Variants in RFX4 observed in about 807,000 individuals in gnomAD.
RFX4 encodes the protein transcription factor RFX4.
RFX4 carries 10 observed loss-of-function variants against 95.0 expected under a neutral mutation model. That is an observed-to-expected ratio of 0.11 (90% CI 0.06 to 0.18). RFX4 has a LOEUF of 0.18. Among genes scored for constraint, RFX4 ranks in the 10% least tolerant of loss-of-function variants. The pLI is 1.00. For missense variants in RFX4, 640 were observed against 922.0 expected, an observed-to-expected ratio of 0.69 and a Z score of 3.96; for synonymous variants, 321 against 340.7, an observed-to-expected ratio of 0.94 and a Z score of 0.64.
At chr12:106,645,325 A>C (rs1592890736) in intron 3 of RFX4, among the ~76,000 whole-genome samples, 1 of 151,852 alleles carries the variant, frequency 6.6e-6, no homozygotes, top group African/African-American at 2.4e-5. Context: ...GTCCCGGCCT[A>C]CTTGCTGCCA....
At chr12:106,725,267 G>C (rs1405234884) in intron 13 of RFX4, among the ~76,000 whole-genome samples, 1 of 152,050 alleles carries the variant, frequency 6.6e-6, no homozygotes, top group African/African-American at 2.4e-5. Flanking sequence ...TACTCTATTG[G>C]TCAAAGGCAG....
chr12:106,649,123 T>C (rs1402070092), intron 3 of RFX4, among the ~76,000 whole-genome samples: 1 of 151,796 alleles, frequency 6.6e-6, no homozygotes, highest in African/African-American at 2.4e-5. Context: ...CCAGGTATAA[T>C]GGAGCATTGT....
At chr12:106,681,970 C>T in intron 4 of RFX4, 23 bp from the exon 5 acceptor site, 1 of 1,613,994 alleles carries the variant, frequency 6.2e-7, no homozygotes, top group Non-Finnish European at 8.5e-7. Context: ...CAATGGGTAA[C>T]TGATTCTTGT....
At chr12:106,715,680 C>G (rs1251188698) in intron 11 of RFX4, 136 bp downstream of exon 11, 3 of 1,005,298 alleles carry the variant, frequency 3.0e-6, no homozygotes, top group Non-Finnish European at 2.9e-6. Context: ...CTTATTGTTC[C>G]TTTTAAATGA....
chr12:106,761,104 G>T, intron 17 of RFX4, 93 bp from the exon 18 acceptor site: 1 of 1,352,014 alleles, frequency 7.4e-7, no homozygotes, highest in South Asian at 1.4e-5. Flanking sequence ...AGCATCTTAA[G>T]AAATTTAACT....
In RFX4 at chr12:106,761,215, A is replaced by G; in HGVS notation, c.1954A>G (p.Thr652Ala). The change falls in exon 18 of 18, where the codon ACT becomes GCT. Residue 652 changes from threonine (T) to alanine (A), a missense_variant. Around this residue, in one of 7 missense-constraint regions of RFX4, gnomAD observed 300 missense variants for 346.8 expected, o/e 0.87. Coordinates refer to ENST00000392842, the MANE Select transcript of RFX4 (RefSeq NM_213594.3). ...SSAQYPFNSP[T>A]SRMEPCLMSS... ...CAACAAGTACCCTTTTAATAGCCCCACTTCCCGGATGGAACCTTGTTTGAT... is the reference window on the plus strand; with the variant it reads ...CAACAAGTACCCTTTTAATAGCCCCGCTTCCCGGATGGAACCTTGTTTGAT... 4 of 1,612,618 alleles carry G rather than the reference A, an allele frequency of 2.5e-6. No individual in the cohort carries two copies. The highest frequency in any genetic ancestry group is 3.4e-6 in the Non-Finnish European group (4 of 1,178,866).
intron 16 of RFX4, among the ~76,000 whole-genome samples, chr12:106,749,802 C>T (rs17038756): frequency 0.015 from 2,266 of 152,162 alleles, 67 homozygotes; most frequent in African/African-American, 0.052. Flanking sequence ...GCTAGAAAGT[C>T]GTGGAGCCTG....
intron 15 of RFX4, among the ~76,000 whole-genome samples, chr12:106,747,203 C>T (rs2042912775): frequency 6.6e-6 from 1 of 152,084 alleles, no homozygotes; most frequent in Non-Finnish European, 1.5e-5. Context: ...TGCAAAGGCC[C>T]TGAGTTGCTG....
At position 106,583,082 on chromosome 12, in the gene RFX4, C is replaced by A. The variant is rs763846421; in HGVS notation, c.-239C>A. 1 of 447,436 alleles carries A rather than the reference C, an allele frequency of 2.2e-6. No individual in the cohort carries two copies. The highest frequency in any genetic ancestry group is 3.9e-6 in the Non-Finnish European group (1 of 257,778). 27.7% of individuals were successfully genotyped at this position (447,436 alleles called of 1,614,324 possible). A position where few individuals can be genotyped will look rare whatever the true frequency, so the allele number is the denominator to read the frequency against. On this transcript the variant is annotated 5_prime_UTR_variant, in exon 1 of 18. Transcript: ENST00000392842. The stretch of plus-strand genomic sequence containing the variant: ...TGCTCGCTCGCTTTTTCTCTCTCCC[C>A]CTTCTCCGAGCTCGCTCCCTTCTCT...
At chr12:106,749,839 G>A (rs1308920861) in intron 16 of RFX4, among the ~76,000 whole-genome samples, 1 of 152,154 alleles carries the variant, frequency 6.6e-6, no homozygotes, top group African/African-American at 2.4e-5. Context: ...TTTGATGCCT[G>A]TTTGAACACG....
At chr12:106,723,873 C>G (rs2042440912) in intron 13 of RFX4, among the ~76,000 whole-genome samples, 1 of 152,252 alleles carries the variant, frequency 6.6e-6, no homozygotes, top group East Asian at 1.9e-4. Context: ...AGAGGACTTG[C>G]GTGTGGACTC....
intron 15 of RFX4, among the ~76,000 whole-genome samples, chr12:106,746,561 T>C (rs2042899167): frequency 6.6e-6 from 1 of 151,918 alleles, no homozygotes; most frequent in African/African-American, 2.4e-5. Flanking sequence ...AACCATCTCA[T>C]AAAATATTAA....
At chr12:106,750,545 A>G in intron 16 of RFX4, 110 bp from the exon 17 acceptor site, 1 of 1,136,476 alleles carries the variant, frequency 8.8e-7, no homozygotes, top group Non-Finnish European at 1.2e-6. Context: ...AGAAAAGAAA[A>G]GAGAAAAAAG....
At chr12:106,735,044 TAA>T (rs36013040) in intron 15 of RFX4, among the ~76,000 whole-genome samples, 24 of 113,398 alleles carry the variant, frequency 2.1e-4, no homozygotes, top group Admixed American at 4.8e-4. Flanking sequence ...ATAGCCTGTT[TAA>T]AAAAAAAAAA....
intron 8 of RFX4, among the ~76,000 whole-genome samples, chr12:106,706,612 C>A (rs2042092066): frequency 6.6e-6 from 1 of 152,082 alleles, no homozygotes; most frequent in East Asian, 1.9e-4. Flanking sequence ...TAGAAGCAGA[C>A]AGGATAGATG....
At position 106,590,671 on chromosome 12, in the gene RFX4, T is replaced by C. The variant is rs115615317; in HGVS notation, c.43+7308T>C. ...ACAGAGAAAGGATATAATGGCCAGGTGCTGTGGCTTATGCCTGTCGTCCCT... is the reference window on the plus strand; with the variant it reads ...ACAGAGAAAGGATATAATGGCCAGGCGCTGTGGCTTATGCCTGTCGTCCCT... On this transcript the variant is annotated intron_variant, in intron 1 of 17. Transcript: ENST00000392842. 5.2e-3 allele frequency among the ~76,000 whole-genome samples: 791 copies of C among 152,280 alleles called. 6 individuals carry two copies. The highest frequency in any genetic ancestry group is 0.017 in the African/African-American group (727 of 41,562).
chr12:106,747,386 A>C, intron 15 of RFX4, 51 bp from the exon 16 acceptor site: 2 of 1,587,582 alleles, frequency 1.3e-6, no homozygotes, highest in Non-Finnish European at 1.7e-6. Context: ...AAGGAAGAAC[A>C]AGGGATATGA....
At chr12:106,701,401 A>C (rs1306055322) in intron 8 of RFX4, among the ~76,000 whole-genome samples, 1 of 151,912 alleles carries the variant, frequency 6.6e-6, no homozygotes, top group East Asian at 1.9e-4. Flanking sequence ...AGCTTCTCGG[A>C]TCTGTGCTTT....
chr12:106,640,725 G>T (rs906969157), intron 3 of RFX4, among the ~76,000 whole-genome samples: 1 of 151,284 alleles, frequency 6.6e-6, no homozygotes, highest in African/African-American at 2.4e-5. Context: ...ATGAGGCATC[G>T]ATGTAAAGGA....
Sources: allele counts gnomAD v4.1 joint callset (sites outside exome capture counted in the v4.1 genomes callset), GRCh38; gene constraint gnomAD v4.1.1; regional missense constraint gnomAD v4.1.1; transcripts MANE v1.5; gene names NCBI Gene and HGNC (gene_info 2026-07-23, HGNC 2026-07-21).